Variants in KCND2 observed in about 807,000 individuals in gnomAD.
KCND2 encodes A-type voltage-gated potassium channel KCND2.
KCND2 carries 16 observed loss-of-function variants against 54.4 expected under a neutral mutation model. The ratio of observed to expected loss-of-function variants is 0.29; its 90% confidence interval spans 0.20 to 0.45. The LOEUF (loss-of-function observed/expected upper bound fraction) is 0.45. KCND2 is among the 20% of genes least tolerant of loss of function. The pLI is 1.00. For synonymous variants in KCND2, 317 were observed against 310.7 expected (o/e 1.02, Z -0.21); for missense variants, 486 against 824.2 (o/e 0.59, Z 5.02).
chr7:120,274,274 A>C lies in KCND2; in HGVS notation c.-359A>C. The C allele has an allele frequency of 2.5e-6, 1 of 399,542 alleles. No individual in the cohort carries two copies. The highest frequency in any genetic ancestry group is 4.6e-6 in the Non-Finnish European group (1 of 215,934). 24.7% of individuals were successfully genotyped at this position (399,542 alleles called of 1,614,324 possible). A position where few individuals can be genotyped will look rare whatever the true frequency, so the allele number is the denominator to read the frequency against. ...CACATACTGACCCTATATTATCCAGACTGTGCCGGGGAGAAATCAAAAACA... is the reference window on the plus strand; with the variant it reads ...CACATACTGACCCTATATTATCCAGCCTGTGCCGGGGAGAAATCAAAAACA... On this transcript the variant is annotated 5_prime_UTR_variant, in exon 1 of 6. Transcript: ENST00000331113.
At chr7:120,485,906 A>T (rs1192415144) in intron 1 of KCND2, among the ~76,000 whole-genome samples, 1 of 152,192 alleles carries the variant, frequency 6.6e-6, no homozygotes, top group Non-Finnish European at 1.5e-5. Context: ...AAAGTGTTTG[A>T]TAAATATTTT....
intron 1 of KCND2, among the ~76,000 whole-genome samples, chr7:120,665,186 A>G (rs1046177110): frequency 4.6e-5 from 7 of 152,106 alleles, no homozygotes; most frequent in African/African-American, 1.7e-4. Flanking sequence ...ATTGAAGTGG[A>G]AGTAAATAAC....
intron 1 of KCND2, among the ~76,000 whole-genome samples, chr7:120,577,038 T>C (rs1792443697): frequency 1.3e-5 from 2 of 152,000 alleles, no homozygotes; most frequent in Non-Finnish European, 2.9e-5. Context: ...TCCCAGCTAC[T>C]CGGGAGGCTG....
intron 1 of KCND2, among the ~76,000 whole-genome samples, chr7:120,433,855 T>TGATG (rs1446671026): frequency 6.6e-6 from 1 of 152,038 alleles, no homozygotes; most frequent in African/African-American, 2.4e-5. Context: ...TTAGGGTGAG[T>TGATG]GATGATGGGA....
intron 1 of KCND2, among the ~76,000 whole-genome samples, chr7:120,369,461 A>G (rs1285887616): frequency 5.3e-5 from 8 of 152,076 alleles, no homozygotes. Flanking sequence ...CAGGAAATAT[A>G]TGAAATTAAA....
At chr7:120,646,571 G>A (rs1045617494) in intron 1 of KCND2, among the ~76,000 whole-genome samples, 15 of 152,158 alleles carry the variant, frequency 9.9e-5, no homozygotes, top group Admixed American at 7.2e-4. Flanking sequence ...ATGGCAACAT[G>A]CAGTGAAAAG....
chr7:120,287,997 G>C (rs1343885862), intron 1 of KCND2, among the ~76,000 whole-genome samples: 1 of 152,096 alleles, frequency 6.6e-6, no homozygotes, highest in Non-Finnish European at 1.5e-5. Context: ...ACGTGCTAAG[G>C]TATAAGGTTT....
At chr7:120,346,311 C>T (rs780180429) in intron 1 of KCND2, among the ~76,000 whole-genome samples, 51 of 152,144 alleles carry the variant, frequency 3.4e-4, no homozygotes, top group Non-Finnish European at 5.9e-4. Flanking sequence ...GAATGTGTCT[C>T]TCAAAATTTT....
intron 1 of KCND2, among the ~76,000 whole-genome samples, chr7:120,439,954 G>A (rs1212270621): frequency 1.3e-5 from 2 of 151,984 alleles, no homozygotes; most frequent in Non-Finnish European, 2.9e-5. Context: ...GTGCTGCAAT[G>A]AACATGACAG....
intron 1 of KCND2, among the ~76,000 whole-genome samples, chr7:120,421,976 A>G (rs1035093986): frequency 3.9e-5 from 6 of 152,212 alleles, no homozygotes; most frequent in Non-Finnish European, 8.8e-5. Flanking sequence ...GTATAGACCC[A>G]GCAGGATGGA....
At chr7:120,276,411 G>A (rs1246229092) in intron 1 of KCND2, among the ~76,000 whole-genome samples, 1 of 152,060 alleles carries the variant, frequency 6.6e-6, no homozygotes, top group Non-Finnish European at 1.5e-5. Flanking sequence ...CATATTTCAA[G>A]CTCTAGGTTC....
chr7:120,614,399 AGGTTTG>A (rs1313124222), intron 1 of KCND2, among the ~76,000 whole-genome samples: 2 of 152,206 alleles, frequency 1.3e-5, no homozygotes, highest in Admixed American at 6.5e-5. Flanking sequence ...AGTTATTTTG[AGGTTTG>A]CTAGATTTGA....
chr7:120,336,455 A>G (rs1373086423), intron 1 of KCND2, among the ~76,000 whole-genome samples: 1 of 152,098 alleles, frequency 6.6e-6, no homozygotes, highest in Non-Finnish European at 1.5e-5. Flanking sequence ...TTATGAAGAC[A>G]TTGTTTTTTG....
rs1435998825 is a variant in KCND2, at chr7:120,273,222, CTTAT to C, written c.-1405_-1402del. Among the ~76,000 whole-genome samples the C allele has an allele frequency of 6.6e-6, 1 of 152,068 alleles. No individual in the cohort carries two copies. Among genetic ancestry groups the C allele is most frequent in the African/African-American group, 2.4e-5 (1 of 41,456 alleles). On this transcript the variant is annotated 5_prime_UTR_variant, in exon 1 of 6. Transcript: ENST00000331113. ...CGCGCGGTTATTTATTTATTTTCTC[CTTAT>C]TTATTGATCGCACTAGCAGAGCAGC...
chr7:120,349,109 G>A (rs963138552), intron 1 of KCND2, among the ~76,000 whole-genome samples: 2 of 152,040 alleles, frequency 1.3e-5, no homozygotes, highest in Non-Finnish European at 2.9e-5. Context: ...TCATAAATAT[G>A]GGAAACTTAT....
chr7:120,509,060 G>A (rs1803073635), intron 1 of KCND2, among the ~76,000 whole-genome samples: 2 of 151,884 alleles, frequency 1.3e-5, no homozygotes, highest in Admixed American at 6.6e-5. Context: ...AGGTATTACT[G>A]CCAACAGTTT....
chr7:120,701,173 C>A (rs535292902), intron 1 of KCND2, among the ~76,000 whole-genome samples: 1 of 140,114 alleles, frequency 7.1e-6, no homozygotes, highest in African/African-American at 2.7e-5. Flanking sequence ...TTTCACTGGC[C>A]AGAGCTTAGA....
chr7:120,294,881 T>A (rs1799486461), intron 1 of KCND2, among the ~76,000 whole-genome samples: 1 of 151,838 alleles, frequency 6.6e-6, no homozygotes, highest in Admixed American at 6.6e-5. Context: ...TATGTGTGTA[T>A]GCCAGTAAAA....
chr7:120,676,284 T>C (rs1186170932), intron 1 of KCND2, among the ~76,000 whole-genome samples: 1 of 152,222 alleles, frequency 6.6e-6, no homozygotes, highest in African/African-American at 2.4e-5. Flanking sequence ...GAATCTTTTT[T>C]TTTAAATGCT....
Sources: allele counts gnomAD v4.1 joint callset (sites outside exome capture counted in the v4.1 genomes callset), GRCh38; gene constraint gnomAD v4.1.1; transcripts MANE v1.5; gene names NCBI Gene and HGNC (gene_info 2026-07-23, HGNC 2026-07-21).